USP1: variants seen among roughly 807,000 people sequenced by gnomAD.
USP1 encodes ubiquitin carboxyl-terminal hydrolase 1.
In USP1, 18 loss-of-function variants were observed where a neutral mutation model predicts 72.2. The observed-to-expected ratio is 0.25, with a 90% CI of 0.17 to 0.37. The LOEUF (loss-of-function observed/expected upper bound fraction) is 0.37, where lower values mean the gene tolerates loss of function less well. USP1 is among the 10% of genes least tolerant of loss of function. The pLI is 1.00. For synonymous variants in USP1, 354 were observed against 303.7 expected (o/e 1.17, Z -1.72); for missense variants, 759 against 884.9 (o/e 0.86, Z 1.81).
upstream of USP1, chr1:62,436,440 G>C (rs576093749): frequency 2.0e-4 from 31 of 152,370 alleles, no homozygotes; most frequent in African/African-American, 7.0e-4. Flanking sequence ...AGAGCGGAAG[G>C]AGGGGCACCG....
At chr1:62,446,552 A>C (rs1025486568) in intron 6 of USP1, among the ~76,000 whole-genome samples, 1 of 152,218 alleles carries the variant, frequency 6.6e-6, no homozygotes, top group Non-Finnish European at 1.5e-5. Flanking sequence ...TAGGTACAGT[A>C]AAAATAATCA....
chr1:62,446,580 C>A lies in USP1; in HGVS notation c.1250-761C>A, dbSNP rs952625664. Among the ~76,000 whole-genome samples, 25 of 152,120 alleles carry A rather than the reference C, an allele frequency of 1.6e-4. 1 individual carries two copies. Among genetic ancestry groups the A allele is most frequent in the Admixed American group, 1.6e-3 (25 of 15,266 alleles). On this transcript the variant is annotated intron_variant, in intron 6 of 8. Transcript: ENST00000339950. ...AATAATCATAGACTACTGTCATATG[C>A]GGTCCATTGTTAAATAATTGAAACG...
Position 62,438,192 on chromosome 1 carries a change from C to G in USP1, c.-70+792C>G, listed in dbSNP as rs550995318. On this transcript the variant is annotated intron_variant, in intron 1 of 8. Transcript: ENST00000339950. ...CGATCCGCTATTTCACCTGCCTAAT[C>G]ATTCTTCCCTTCTGTGTAGTCTGGT... Among the ~76,000 whole-genome samples the G allele has an allele frequency of 3.9e-5, 6 of 152,276 alleles. No individual in the cohort carries two copies. In the South Asian group the frequency reaches 1.2e-3, roughly 32 times the overall value.
chr1:62,450,697 A>G lies in USP1; in HGVS notation c.2074A>G (p.Ser692Gly). 2 of 1,614,176 alleles carry G rather than the reference A, an allele frequency of 1.2e-6. No individual in the cohort carries two copies. The highest frequency in any genetic ancestry group is 1.7e-6 in the Non-Finnish European group (2 of 1,180,014). Residue 692 changes from serine to glycine, a missense_variant, in exon 9 of 9, where the codon AGT (serine) becomes GGT (glycine). By Grantham distance (56) the Ser-to-Gly change is moderately conservative. This residue lies in a region of USP1 where 159 missense variants were observed against 140.9 expected (regional missense o/e 1.13). Coordinates refer to ENST00000339950, the MANE Select transcript of USP1 (RefSeq NM_003368.5). ...AGCCTCTAATCCTGATAAGGTTGCTAGTACAGCGTTTGCTGAAAATAGAAA... is the reference window on the plus strand; with the variant it reads ...AGCCTCTAATCCTGATAAGGTTGCTGGTACAGCGTTTGCTGAAAATAGAAA... ...NKASNPDKVA[S>G]TAFAENRNSE...
chr1:62,437,568 G>A (rs1645099396), intron 1 of USP1, among the ~76,000 whole-genome samples, 168 bp downstream of exon 1: 2 of 152,032 alleles, frequency 1.3e-5, no homozygotes, highest in African/African-American at 2.4e-5. Flanking sequence ...TCTTGCCGCC[G>A]CCGGGACGCG....
In USP1 at chr1:62,450,326, G is replaced by A. The variant is rs1292218020; in HGVS notation, c.1703G>A (p.Ser568Asn). 1 of 1,614,122 alleles carries A rather than the reference G, an allele frequency of 6.2e-7. No homozygotes were observed. The highest frequency in any genetic ancestry group is 8.5e-7 in the Non-Finnish European group (1 of 1,180,016). Residue 568 changes from serine to asparagine, a missense_variant, in exon 9 of 9, where the codon AGC becomes AAC. This residue lies in a region of USP1 where 140 missense variants were observed against 222.8 expected (regional missense o/e 0.63). Transcript: ENST00000339950. ...CTTAAATTGTCACTAGAAGAATGGA[G>A]CACAAAGCCAACTAACGACAGCTAT... The part of the protein sequence containing the change: ...TPLKLSLEEW[S>N]TKPTNDSYGL...
chr1:62,440,242 T>C (rs972836124), intron 2 of USP1, among the ~76,000 whole-genome samples: 1 of 152,188 alleles, frequency 6.6e-6, no homozygotes, highest in African/African-American at 2.4e-5. Flanking sequence ...GTTTAACTCA[T>C]GTTAACACTG....
intron 6 of USP1, among the ~76,000 whole-genome samples, chr1:62,446,343 C>CAA (rs762792264): frequency 3.1e-5 from 4 of 128,922 alleles, no homozygotes; most frequent in African/African-American, 1.1e-4. Flanking sequence ...GCTGATGAGC[C>CAA]AAAAAAAAAA....
chr1:62,450,155 A>G (rs2149208387), intron 8 of USP1, 91 bp from the exon 9 acceptor site: 1 of 1,481,856 alleles, frequency 6.7e-7, no homozygotes, highest in Non-Finnish European at 9.0e-7. Context: ...TTAAGGGTTC[A>G]TTCAGATTTT....
At chr1:62,439,771 C>G in intron 1 of USP1, 28 bp from the exon 2 acceptor site, 7 of 1,139,026 alleles carry the variant, frequency 6.1e-6, no homozygotes, top group Non-Finnish European at 8.0e-6. Flanking sequence ...TAACCAAAAA[C>G]TAATGAAACT....
At chr1:62,441,162 T>C (rs1645131865) in intron 2 of USP1, among the ~76,000 whole-genome samples, 1 of 152,228 alleles carries the variant, frequency 6.6e-6, no homozygotes, top group Non-Finnish European at 1.5e-5. Context: ...TCAGTTAAAC[T>C]ATTTGATTAA....
In USP1 at chr1:62,450,961, C is replaced by T; in HGVS notation, c.2338C>T (p.Leu780=). The change falls in exon 9 of 9, where the codon CTA becomes TTA. Residue 780 remains leucine (L), a synonymous_variant. Coordinates refer to ENST00000339950, the MANE Select transcript of USP1 (RefSeq NM_003368.5). ...ATCTCCTACTTCTACTCCTTACTTG[C>T]TATTTTATAAGAAATTATAGAGTGA... The part of the protein sequence containing the change: ...STSPTSTPYL[L]FYKKL 1 of 1,593,604 alleles carries T rather than the reference C, an allele frequency of 6.3e-7. No homozygotes were observed. Among genetic ancestry groups the T allele is most frequent in the South Asian group, 1.1e-5 (1 of 87,412 alleles).
intron 1 of USP1, among the ~76,000 whole-genome samples, chr1:62,437,792 A>G (rs1645101618): frequency 6.6e-6 from 1 of 152,234 alleles, no homozygotes; most frequent in African/African-American, 2.4e-5. Flanking sequence ...GTAATTGCGA[A>G]ATTTTACCGC....
In USP1 at chr1:62,437,115, G is replaced by C. The variant is rs1571126105; in HGVS notation, c.-355G>C. On this transcript the variant is annotated 5_prime_UTR_variant, in exon 1 of 9. Transcript: ENST00000339950. Reference sequence around the variant, plus strand: ...CCCTAGCGGTTCAGGCGTTCGGCGAGCGGGGCCGCTGCTTGTTGCGCTCCT... The same window carrying C: ...CCCTAGCGGTTCAGGCGTTCGGCGACCGGGGCCGCTGCTTGTTGCGCTCCT... 1 of 399,158 alleles carries C rather than the reference G, an allele frequency of 2.5e-6. No homozygotes were observed. Among genetic ancestry groups the C allele is most frequent in the East Asian group, 3.6e-5 (1 of 28,058 alleles). The allele number at this position is 399,158 out of a possible 1,614,324, so 24.7% of individuals were successfully genotyped here.
intron 5 of USP1, among the ~76,000 whole-genome samples, chr1:62,443,976 T>C (rs1413684231): frequency 6.6e-6 from 1 of 152,038 alleles, no homozygotes; most frequent in African/African-American, 2.4e-5. Context: ...TAAGAGGTAT[T>C]GTAGGCCGGT....
intron 8 of USP1, among the ~76,000 whole-genome samples, chr1:62,449,915 A>C (rs909104676): frequency 6.6e-6 from 1 of 151,998 alleles, no homozygotes; most frequent in Non-Finnish European, 1.5e-5. Context: ...TAAAAAAAAA[A>C]AAACCCAAAA....
intron 8 of USP1, among the ~76,000 whole-genome samples, chr1:62,449,639 G>T (rs1425761622): frequency 6.6e-6 from 1 of 152,112 alleles, no homozygotes; most frequent in East Asian, 1.9e-4. Flanking sequence ...AATGGGCTGG[G>T]CGTGGGTGGC....
In USP1 at chr1:62,437,049, G is replaced by A. The variant is rs1001613484; in HGVS notation, c.-421G>A. ...AAAACACGGGGGTCCTGAGACTGAGGAAAACGCGCCAAGTTCCCCTCGGTG... is the reference window on the plus strand; with the variant it reads ...AAAACACGGGGGTCCTGAGACTGAGAAAAACGCGCCAAGTTCCCCTCGGTG... On this transcript the variant is annotated 5_prime_UTR_variant, in exon 1 of 9. Coordinates refer to ENST00000339950, the MANE Select transcript of USP1 (RefSeq NM_003368.5). 2.5e-6 allele frequency: 1 copy of A among 398,568 alleles called. No individual in the cohort carries two copies. The highest frequency in any genetic ancestry group is 2.1e-5 in the African/African-American group (1 of 48,626). The allele number at this position is 398,568 out of a possible 1,614,324, so 24.7% of individuals were successfully genotyped here. A position where few individuals can be genotyped will look rare whatever the true frequency, so the allele number is the denominator to read the frequency against.
In USP1 at chr1:62,448,488, A is replaced by T; in HGVS notation, c.1444A>T (p.Met482Leu). Reference sequence around the variant, plus strand: ...AGTTTCTCCAGAGCCAAAAACAGAAATGAAGACCCTGAGATGGGCAATTTC... The same window carrying T: ...AGTTTCTCCAGAGCCAAAAACAGAATTGAAGACCCTGAGATGGGCAATTTC... ...SEISPEPKTE[M>L]KTLRWAISQF... The change falls in exon 8 of 9, where the codon ATG (methionine) becomes TTG (leucine). Residue 482 changes from methionine (M) to leucine (L), a missense_variant. Met to Leu is a conservative substitution (Grantham distance 15). Coordinates refer to ENST00000339950, the MANE Select transcript of USP1 (RefSeq NM_003368.5). 1 of 1,613,970 alleles carries T rather than the reference A, an allele frequency of 6.2e-7. No homozygotes were observed. Among genetic ancestry groups the T allele is most frequent in the Non-Finnish European group, 8.5e-7 (1 of 1,179,926 alleles).
Sources: gnomAD v4.1 joint callset for allele counts (sites outside exome capture counted in the v4.1 genomes callset) on GRCh38, gnomAD v4.1.1 for gene constraint, gnomAD v4.1.1 regional missense constraint, MANE v1.5 for transcripts, NCBI Gene and HGNC (gene_info 2026-07-23, HGNC 2026-07-21) for gene names.